TASOR2: variants seen among roughly 807,000 people sequenced by gnomAD.
TASOR2 encodes the protein protein TASOR 2.
A neutral mutation model predicts 199.5 loss-of-function variants in TASOR2; 84 were observed. The ratio of observed to expected loss-of-function variants is 0.42; its 90% CI spans 0.35 to 0.50. The LOEUF (loss-of-function observed/expected upper bound fraction) is 0.50, where lower values mean the gene tolerates loss of function less well. Ranked by LOEUF, TASOR2 falls within the 20% of genes least tolerant of loss-of-function variation. TASOR2 has a pLI of 0.02. For synonymous variants in TASOR2, 1,103 were observed against 1,046.6 expected (o/e 1.05, Z -1.04); for missense variants, 2,796 against 2,835.9 (o/e 0.99, Z 0.32).
At position 5,685,561 on chromosome 10, in the gene TASOR2, C is replaced by T. The variant is rs550344385; in HGVS notation, c.-288+386C>T. Among the ~76,000 whole-genome samples the T allele has an allele frequency of 9.8e-4, 149 of 152,250 alleles. 1 individual carries two copies. The highest frequency in any genetic ancestry group is 3.4e-3 in the African/African-American group (143 of 41,552). On this transcript the variant is annotated intron_variant, in intron 1 of 20. Transcript: ENST00000328090. This position sits in a 1 kb window ranked among gnomAD's most constrained non-coding sequence, Gnocchi z 5.4. ...GGGAAATCATTTCCTGCGGGTTCTG[C>T]GTGAAGCCTGCTGCTACTCGAGACT... is the stretch of plus-strand genomic sequence containing the variant.
intron 1 of TASOR2, among the ~76,000 whole-genome samples, chr10:5,691,266 C>T (rs59758327): frequency 0.093 from 13,997 of 151,060 alleles, 765 homozygotes; most frequent in South Asian, 0.13. Flanking sequence ...GTTGTTTTTA[C>T]ATAATGTAGG....
At chr10:5,739,473 C>G in intron 12 of TASOR2, 145 bp from the exon 14 acceptor site, 2 of 734,664 alleles carry the variant, frequency 2.7e-6, no homozygotes, top group Non-Finnish European at 4.3e-6. Flanking sequence ...TGGAAGAGAC[C>G]TTAATCTAAT....
rs1273304436 is a variant in TASOR2, at chr10:5,754,173, C to T, written c.6607-2440C>T. Among the ~76,000 whole-genome samples the T allele has an allele frequency of 5.3e-5, 8 of 151,976 alleles. No homozygotes were observed. Among genetic ancestry groups the T allele is most frequent in the South Asian group, 4.2e-4 (2 of 4,812 alleles). On this transcript the variant is annotated intron_variant, in intron 15 of 20. Coordinates refer to ENST00000328090, the Ensembl canonical transcript of TASOR2. This position sits in a 1 kb window ranked among gnomAD's most constrained non-coding sequence, Gnocchi z 4.3. Reference sequence around the variant, plus strand: ...TAAAAAAATTAGCCGGGTGTGGCGGCGCGCGCTTGTGGTACTCGGGAGGCT... The same window carrying T: ...TAAAAAAATTAGCCGGGTGTGGCGGTGCGCGCTTGTGGTACTCGGGAGGCT...
rs943441555 is a variant in TASOR2 at position 5,709,711 on chromosome 10, T to C, written c.-287-3112T>C. 1.4e-5 allele frequency: 17 copies of C among 1,211,336 alleles called. No individual in the cohort carries two copies. In the African/African-American group the frequency reaches 2.0e-4, roughly 14 times the overall value. 75.0% of individuals were successfully genotyped at this position (1,211,336 alleles called of 1,614,324 possible). A position where few individuals can be genotyped will look rare whatever the true frequency, so the allele number is the denominator to read the frequency against. ...TAAGTCATAACTAATGAATCCAGAATAGAATGATTAAAATGTTTTTAGTTT... is the reference window on the plus strand; with the variant it reads ...TAAGTCATAACTAATGAATCCAGAACAGAATGATTAAAATGTTTTTAGTTT... On this transcript the variant is annotated intron_variant, in intron 1 of 20. Coordinates refer to ENST00000328090, the Ensembl canonical transcript of TASOR2.
In TASOR2 at chr10:5,701,427, G is replaced by T. The variant is rs1200961399; in HGVS notation, c.-287-11396G>T. Among the ~76,000 whole-genome samples, 1 of 152,026 alleles carries T rather than the reference G, an allele frequency of 6.6e-6. No individual in the cohort carries two copies. Among genetic ancestry groups the T allele is most frequent in the Non-Finnish European group, 1.5e-5 (1 of 67,986 alleles). On this transcript the variant is annotated intron_variant, in intron 1 of 20. Transcript: ENST00000328090. The surrounding 1 kb of genome is among the most constrained non-coding windows in gnomAD (Gnocchi z 4.9). ...AGCTTTGTTGTTTTTGCTTAGTATT[G>T]GTTTGGCTATTCAGGATCTTTTGTG...
At chr10:5,763,290 C>G in exon 21 of TASOR2, 1 of 378,960 alleles carries the variant, frequency 2.6e-6, no homozygotes, top group Middle Eastern at 6.9e-4. Context: ...GCCTTCTAAG[C>G]TATTGAGCTT....
chr10:5,707,000 T>C lies in TASOR2; in HGVS notation c.-287-5823T>C, dbSNP rs1397580604. The stretch of plus-strand genomic sequence containing the variant: ...GCCTGGGCCACGGAGCAAGACTCCG[T>C]CTCAAAAAAAAAAAAGTAAGCACCC... On this transcript the variant is annotated intron_variant, in intron 1 of 20. Coordinates refer to ENST00000328090, the Ensembl canonical transcript of TASOR2. The surrounding 1 kb of genome is among the most constrained non-coding windows in gnomAD (Gnocchi z 4.8). 1.2e-5 allele frequency among the ~76,000 whole-genome samples: 1 copy of C among 84,430 alleles called. No individual in the cohort carries two copies. The highest frequency in any genetic ancestry group is 2.4e-5 in the Non-Finnish European group (1 of 42,218). 55.4% of individuals were successfully genotyped at this position (84,430 alleles called of 152,430 possible).
In TASOR2 at chr10:5,699,931, T is replaced by G. The variant is rs1837594636; in HGVS notation, c.-287-12892T>G. 6.6e-6 allele frequency among the ~76,000 whole-genome samples: 1 copy of G among 152,188 alleles called. No individual in the cohort carries two copies. Among genetic ancestry groups the G allele is most frequent in the South Asian group, 2.1e-4 (1 of 4,832 alleles). On this transcript the variant is annotated intron_variant, in intron 1 of 20. Transcript: ENST00000328090. This position sits in a 1 kb window ranked among gnomAD's most constrained non-coding sequence, Gnocchi z 4.1. ...CAGTGTAGTTGGGTCATCTGTTACC[T>G]TAAATATTTCTCTTTTCTTTGTGCT...
chr10:5,751,799 T>C lies in TASOR2; in HGVS notation c.6606+1772T>C, dbSNP rs965059977. ...TCTCAGCACATAAAGCCAAGAAATA[T>C]ACATATGTACATACGTATATCTACA... On this transcript the variant is annotated intron_variant, in intron 15 of 20. Coordinates refer to ENST00000328090, the Ensembl canonical transcript of TASOR2. The surrounding 1 kb of genome is among the most constrained non-coding windows in gnomAD (Gnocchi z 5.3). Among the ~76,000 whole-genome samples, 7 of 152,204 alleles carry C rather than the reference T, an allele frequency of 4.6e-5. No homozygotes were observed. The highest frequency in any genetic ancestry group is 2.0e-4 in the Admixed American group (3 of 15,280).
chr10:5,747,804 A>C (rs756749129), exon 15 of TASOR2: 1 of 1,613,896 alleles, frequency 6.2e-7, no homozygotes, highest in Non-Finnish European at 8.5e-7. Flanking sequence ...CTACCCATCC[A>C]GTGGGGCAAG....
rs148754162 is a variant in TASOR2, at chr10:5,707,311, A to G, written c.-287-5512A>G. ...TCAGCTTCCAATAAAAGTTTAAACA[A>G]TAAGGAACATTTATTATTTCATGTA... On this transcript the variant is annotated intron_variant, in intron 1 of 20. Transcript: ENST00000328090. Among the ~76,000 whole-genome samples, 553 of 152,330 alleles carry G rather than the reference A, an allele frequency of 3.6e-3. 3 individuals are homozygous for G. The highest frequency in any genetic ancestry group is 0.02 in the Middle Eastern group (6 of 294).
intron 6 of TASOR2, among the ~76,000 whole-genome samples, chr10:5,721,542 T>G (rs1833358741): frequency 6.6e-6 from 1 of 152,152 alleles, no homozygotes; most frequent in African/African-American, 2.4e-5. Flanking sequence ...ATTCATTTTT[T>G]TTTTTCCTAT....
chr10:5,713,501 T>C (rs1449477101), intron 2 of TASOR2, among the ~76,000 whole-genome samples: 1 of 152,162 alleles, frequency 6.6e-6, no homozygotes, highest in African/African-American at 2.4e-5. Flanking sequence ...AATTCAAAGT[T>C]AGTGCTTCGA....
Position 5,742,579 on chromosome 10 carries a change from T to A in TASOR2, c.2757+53T>A. On this transcript the variant is annotated intron_variant, in intron 14 of 20. Transcript: ENST00000328090. The surrounding 1 kb of genome is among the most constrained non-coding windows in gnomAD (Gnocchi z 4.2). ...TTGGCATTATTTTTGAAGAAAAAAA[T>A]GTTTATATGTAAAATCACATTCAAA... 1 of 1,502,226 alleles carries A rather than the reference T, an allele frequency of 6.7e-7. No homozygotes were observed. Among genetic ancestry groups the A allele is most frequent in the Non-Finnish European group, 9.1e-7 (1 of 1,104,782 alleles). 93.1% of individuals were successfully genotyped at this position (1,502,226 alleles called of 1,614,324 possible). A position where few individuals can be genotyped will look rare whatever the true frequency, so the allele number is the denominator to read the frequency against.
chr10:5,742,650 AAAG>A lies in TASOR2; in HGVS notation c.2757+127_2757+129del. 1 of 908,320 alleles carries A rather than the reference AAAG, an allele frequency of 1.1e-6. No homozygotes were observed. Among genetic ancestry groups the A allele is most frequent in the Non-Finnish European group, 1.6e-6 (1 of 610,732 alleles). The allele number at this position is 908,320 out of a possible 1,614,324, so 56.3% of individuals were successfully genotyped here. The stretch of plus-strand genomic sequence containing the variant: ...AGGACAGTGAATTCTCAAGGTATGT[AAAG>A]AACTATTACACCAAAAACCTAGTTT... On this transcript the variant is annotated intron_variant, in intron 14 of 20. Transcript: ENST00000328090. This position sits in a 1 kb window ranked among gnomAD's most constrained non-coding sequence, Gnocchi z 4.2.
rs1838133743 is a variant in TASOR2 at position 5,752,104 on chromosome 10, A to G, written c.6606+2077A>G. 6.6e-6 allele frequency among the ~76,000 whole-genome samples: 1 copy of G among 151,502 alleles called. No individual in the cohort carries two copies. Among genetic ancestry groups the G allele is most frequent in the Non-Finnish European group, 1.5e-5 (1 of 67,878 alleles). The stretch of plus-strand genomic sequence containing the variant: ...AGCGCGGGCCAGCTGCCCTCCCCCT[A>G]CCCTTGCAGCAGAAAGCTCCATTCA... On this transcript the variant is annotated intron_variant, in intron 15 of 20. Transcript: ENST00000328090. This position sits in a 1 kb window ranked among gnomAD's most constrained non-coding sequence, Gnocchi z 4.4.
At chr10:5,757,429 C>T in intron 16 of TASOR2, 91 bp from the exon 18 acceptor site, 2 of 1,277,166 alleles carry the variant, frequency 1.6e-6, no homozygotes, top group East Asian at 2.5e-5. Flanking sequence ...GTTCCTGAAC[C>T]TTGACTCTCT....
chr10:5,725,706 G>A (rs1287462468), intron 8 of TASOR2, among the ~76,000 whole-genome samples: 1 of 152,162 alleles, frequency 6.6e-6, no homozygotes, highest in Non-Finnish European at 1.5e-5. Context: ...GCTTGAGCCT[G>A]GGAGTTCAAG....
At chr10:5,708,726 T>C (rs1831531786) in intron 1 of TASOR2, among the ~76,000 whole-genome samples, 1 of 150,162 alleles carries the variant, frequency 6.7e-6, no homozygotes, top group East Asian at 2.0e-4. Flanking sequence ...CTTTCTGACA[T>C]GGTCTGGCTC....
Sources: allele counts gnomAD v4.1 joint callset (sites outside exome capture counted in the v4.1 genomes callset), GRCh38; gene constraint gnomAD v4.1.1; non-coding constraint Gnocchi (gnomAD v3.1); transcripts MANE v1.5; gene names NCBI Gene and HGNC (gene_info 2026-07-23, HGNC 2026-07-21).